The following TMTC4 variants were observed in gnomAD, a reference collection of about 807,000 sequenced individuals.
TMTC4 encodes protein O-mannosyl-transferase TMTC4.
TMTC4 carries 65 observed loss-of-function variants against 86.0 expected under a neutral mutation model. The ratio of observed to expected loss-of-function variants is 0.76; its 90% CI spans 0.62 to 0.93. The LOEUF is 0.93. TMTC4 is among the 40% of genes least tolerant of loss of function. TMTC4 has a pLI of 0.00. For synonymous variants in TMTC4, 379 were observed against 382.5 expected, an observed-to-expected ratio of 0.99 and a Z score of 0.11; for missense variants, 866 against 948.1, an observed-to-expected ratio of 0.91 and a Z score of 1.14.
chr13:100,665,548 C>T (rs1886291220), intron 3 of TMTC4, among the ~76,000 whole-genome samples: 1 of 152,228 alleles, frequency 6.6e-6, no homozygotes, highest in African/African-American at 2.4e-5. Context: ...GCCTGGCTGC[C>T]TCTGGGCCCC....
chr13:100,609,627 A>G (rs1486042314), intron 17 of TMTC4, among the ~76,000 whole-genome samples: 1 of 152,112 alleles, frequency 6.6e-6, no homozygotes. Context: ...AATACATTTT[A>G]ATGATCCCTA....
Position 100,656,467 on chromosome 13 carries a change from A to G in TMTC4, c.554T>C (p.Val185Ala). The change falls in exon 6 of 19, where the codon GTT becomes GCT. Residue 185 changes from valine (V) to alanine (A), a missense_variant and splice_region_variant. Transcript: ENST00000342624. ...FAVHPVHTEC[V>A]AGVVGRADLL... ...GTCTGCACGGCCGACAACACCAGCAACCTTAAAAAAGGGGGAAGAAAACAA... is the reference window on the plus strand; with the variant it reads ...GTCTGCACGGCCGACAACACCAGCAGCCTTAAAAAAGGGGGAAGAAAACAA... The G allele has an allele frequency of 6.2e-7, 1 of 1,600,898 alleles. No individual in the cohort carries two copies. The highest frequency in any genetic ancestry group is 1.1e-5 in the South Asian group (1 of 88,538).
intron 16 of TMTC4, among the ~76,000 whole-genome samples, chr13:100,613,757 TTCCC>T (rs1878002172): frequency 6.6e-6 from 1 of 150,472 alleles, no homozygotes; most frequent in Admixed American, 6.6e-5. Context: ...AATTCCTTCC[TTCCC>T]TCCCTTCCCT....
At chr13:100,632,859 A>G (rs1459754575) in intron 12 of TMTC4, among the ~76,000 whole-genome samples, 6 of 152,210 alleles carry the variant, frequency 3.9e-5, no homozygotes. Flanking sequence ...CAATCTAGGC[A>G]GCTCTTATGC....
rs1187004586 is a variant in TMTC4 at position 100,663,032 on chromosome 13, G to A, written c.484C>T (p.His162Tyr). The change falls in exon 5 of 19, where the codon CAC (histidine) becomes TAC (tyrosine). Residue 162 changes from histidine (H) to tyrosine (Y), a missense_variant. His to Tyr is a moderately conservative substitution (Grantham distance 83). Transcript: ENST00000342624. ...AGCAGGGACGCCCTGGGGGCGAGGT[G>A]CAGCCTCCGGCCTTTACTGGTGTAC... ...LQYTSKGRRLHLAPRASLLAA... is the reference protein window; with the variant it reads ...LQYTSKGRRLYLAPRASLLAA... 6.2e-6 allele frequency: 10 copies of A among 1,614,192 alleles called. No individual in the cohort carries two copies. The highest frequency in any genetic ancestry group is 1.3e-5 in the African/African-American group (1 of 75,062).
rs201124552 is a variant in TMTC4 at position 100,614,415 on chromosome 13, G to A, written c.1852C>T (p.Arg618Cys). ...NLGRLYADLN[R>C]HVDALNAWRN... is the part of the protein sequence containing the mutation. ...CACGCATTCAAGGCATCCACGTGGC[G>A]ATTGAGATCTGCATACTGAAAATAA... is the stretch of plus-strand genomic sequence containing the variant. The change falls in exon 16 of 19, where the codon CGC (arginine) becomes TGC (cysteine). Residue 618 changes from arginine (R) to cysteine (C), a missense_variant. By Grantham distance (180) the Arg-to-Cys change is radical. Transcript: ENST00000342624. 4.0e-5 allele frequency: 65 copies of A among 1,611,694 alleles called. No homozygotes were observed. The highest frequency in any genetic ancestry group is 4.0e-4 in the Admixed American group (24 of 59,754).
chr13:100,663,246 G>A (rs1886011290), intron 4 of TMTC4, 66 bp from the exon 5 acceptor site: 1 of 1,388,994 alleles, frequency 7.2e-7, no homozygotes. Flanking sequence ...GCAAAGGTCT[G>A]GAGGAGAAGG....
intron 5 of TMTC4, among the ~76,000 whole-genome samples, chr13:100,658,998 T>C (rs980292198): frequency 1.3e-5 from 2 of 152,256 alleles, no homozygotes; most frequent in Non-Finnish European, 2.9e-5. Flanking sequence ...CCTTTTCTGA[T>C]ATTTGCATAA....
At chr13:100,623,012 A>C (rs1879781588) in intron 15 of TMTC4, among the ~76,000 whole-genome samples, 1 of 152,210 alleles carries the variant, frequency 6.6e-6, no homozygotes, top group Non-Finnish European at 1.5e-5. Context: ...CTCCAGAAAC[A>C]AAGACAGTAA....
intron 15 of TMTC4, among the ~76,000 whole-genome samples, chr13:100,616,727 G>A (rs932722260): frequency 6.6e-6 from 1 of 152,092 alleles, no homozygotes; most frequent in Non-Finnish European, 1.5e-5. Flanking sequence ...GTGTGAGATG[G>A]TATCTCAATT....
At chr13:100,643,749 G>C (rs1883343000) in intron 6 of TMTC4, among the ~76,000 whole-genome samples, 1 of 152,214 alleles carries the variant, frequency 6.6e-6, no homozygotes. Context: ...TGGGACTACA[G>C]AAATCATTTA....
chr13:100,673,621 T>C (rs944217096), intron 1 of TMTC4, among the ~76,000 whole-genome samples: 1 of 152,226 alleles, frequency 6.6e-6, no homozygotes, highest in Non-Finnish European at 1.5e-5. Context: ...GAATACATGC[T>C]ACTGAAGGCT....
intron 12 of TMTC4, among the ~76,000 whole-genome samples, chr13:100,630,664 G>A (rs879921865): frequency 7.2e-5 from 11 of 152,086 alleles, no homozygotes; most frequent in Non-Finnish European, 1.5e-4. Context: ...TACAAATACA[G>A]CTTCTACTCA....
intron 5 of TMTC4, among the ~76,000 whole-genome samples, chr13:100,656,987 C>G (rs1269105341): frequency 6.6e-6 from 1 of 152,180 alleles, no homozygotes; most frequent in Non-Finnish European, 1.5e-5. Context: ...TAGGACTTGA[C>G]TTAACTGCTT....
At position 100,667,337 on chromosome 13, in the gene TMTC4, T is replaced by C. The variant is rs1026973504; in HGVS notation, c.219+1242A>G. On this transcript the variant is annotated intron_variant, in intron 3 of 18. Coordinates refer to ENST00000342624, the MANE Select transcript of TMTC4 (RefSeq NM_032813.5). ...CCAGCTACTTGGGAGGCTGAGGCAG[T>C]AGAATTGCTTGAACCCCGGAGGCAG... 7.9e-5 allele frequency among the ~76,000 whole-genome samples: 12 copies of C among 151,722 alleles called. No homozygotes were observed. The East Asian group carries it at 9.9e-4, about 12-fold the overall frequency.
intron 6 of TMTC4, among the ~76,000 whole-genome samples, chr13:100,652,920 GC>G (rs1179360010): frequency 2.6e-5 from 4 of 152,160 alleles, no homozygotes; most frequent in African/African-American, 9.7e-5. Flanking sequence ...TACAAGAAAC[GC>G]CCTTAAAGTT....
intron 12 of TMTC4, among the ~76,000 whole-genome samples, chr13:100,630,692 C>T (rs1881236897): frequency 6.6e-6 from 1 of 152,158 alleles, no homozygotes; most frequent in Non-Finnish European, 1.5e-5. Context: ...ACACGACGCC[C>T]GCCTCTTCCG....
intron 14 of TMTC4, 38 bp from the exon 15 acceptor site, chr13:100,625,714 G>A (rs759590308): frequency 3.7e-6 from 6 of 1,611,060 alleles, no homozygotes; most frequent in Non-Finnish European, 5.1e-6. Context: ...ACAAGAAGAT[G>A]AAAGGCTTAG....
intron 6 of TMTC4, among the ~76,000 whole-genome samples, chr13:100,648,559 G>A (rs1291582902): frequency 6.6e-6 from 1 of 152,136 alleles, no homozygotes; most frequent in Non-Finnish European, 1.5e-5. Context: ...ATGACATAAT[G>A]TGCACATTGC....
Sources: gnomAD v4.1 joint callset for allele counts (sites outside exome capture counted in the v4.1 genomes callset) on GRCh38, gnomAD v4.1.1 for gene constraint, MANE v1.5 for transcripts, NCBI Gene and HGNC (gene_info 2026-07-23, HGNC 2026-07-21) for gene names.